TRIP11: variants seen among roughly 807,000 people sequenced by gnomAD.
The protein encoded by TRIP11 is thyroid receptor-interacting protein 11.
A neutral mutation model predicts 223.1 loss-of-function variants in TRIP11; 148 were observed. The observed-to-expected ratio is 0.66, with a 90% CI of 0.58 to 0.76. TRIP11 has a LOEUF of 0.76. TRIP11 is among the 30% of genes least tolerant of loss of function. The pLI is 0.00. For missense variants in TRIP11, 2,043 were observed against 2,222.0 expected (o/e 0.92, Z 1.62); for synonymous variants, 762 against 772.6 (o/e 0.99, Z 0.23).
intron 16 of TRIP11, among the ~76,000 whole-genome samples, chr14:91,983,439 G>A (rs899962293): frequency 2.0e-4 from 30 of 152,158 alleles, no homozygotes; most frequent in African/African-American, 7.2e-4. Context: ...CATACATAAA[G>A]AAATAAGGGC....
In TRIP11 at chr14:92,040,049, G is replaced by A; in HGVS notation, c.-364C>T. On this transcript the variant is annotated 5_prime_UTR_variant, in exon 1 of 21. Coordinates refer to ENST00000267622, the MANE Select transcript of TRIP11 (RefSeq NM_004239.4). ...CCGCCATGACACTCGCTCGGAAAGC[G>A]GCAGCGGATCATAGAAAAGCGCCGC... 1 of 420,096 alleles carries A rather than the reference G, an allele frequency of 2.4e-6. No individual in the cohort carries two copies. The highest frequency in any genetic ancestry group is 4.2e-5 in the East Asian group (1 of 23,818). 26.0% of individuals were successfully genotyped at this position (420,096 alleles called of 1,614,324 possible).
intron 20 of TRIP11, among the ~76,000 whole-genome samples, chr14:91,971,634 G>A (rs1179519523): frequency 6.6e-6 from 1 of 151,970 alleles, no homozygotes; most frequent in African/African-American, 2.4e-5. Context: ...AGGGAAGAGA[G>A]GAAGGGAAAG....
At position 92,015,829 on chromosome 14, in the gene TRIP11, A is replaced by G; in HGVS notation, c.690T>C (p.Asp230=). 6.2e-7 allele frequency: 1 copy of G among 1,612,722 alleles called. No individual in the cohort carries two copies. ...GTACTGACATTTCATGTTGATGGTCATCAATTTCCTGACTTCGGTTCTGTT... is the reference window on the plus strand; with the variant it reads ...GTACTGACATTTCATGTTGATGGTCGTCAATTTCCTGACTTCGGTTCTGTT... The part of the protein sequence containing the change: ...ELKQNRSQEI[D]DHQHEMSVLQ... Residue 230 remains aspartate, a synonymous_variant, in exon 6 of 21, where the codon GAT becomes GAC. Coordinates refer to ENST00000267622, the MANE Select transcript of TRIP11 (RefSeq NM_004239.4).
At chr14:92,033,696 G>A (rs1333218409) in intron 1 of TRIP11, among the ~76,000 whole-genome samples, 1 of 152,146 alleles carries the variant, frequency 6.6e-6, no homozygotes, top group Non-Finnish European at 1.5e-5. Flanking sequence ...TTATTTTAGA[G>A]AAAACAAACC....
intron 15 of TRIP11, among the ~76,000 whole-genome samples, chr14:91,988,845 T>C (rs2056638382): frequency 6.6e-6 from 1 of 152,192 alleles, no homozygotes; most frequent in Admixed American, 6.5e-5. Flanking sequence ...AAGCTGGATC[T>C]GTCCTTCTGT....
chr14:91,994,063 C>T, intron 14 of TRIP11, 151 bp from the exon 15 acceptor site: 1 of 650,642 alleles, frequency 1.5e-6, no homozygotes, highest in Non-Finnish European at 2.7e-6. Flanking sequence ...TTAAGCGGTA[C>T]TAAACTAATG....
chr14:91,977,978 A>G (rs886598538), intron 16 of TRIP11, among the ~76,000 whole-genome samples: 7 of 152,190 alleles, frequency 4.6e-5, no homozygotes, highest in African/African-American at 1.4e-4. Flanking sequence ...TGGAAAATCT[A>G]CTACGAACTT....
chr14:92,021,029 C>T (rs1156274852), intron 4 of TRIP11, among the ~76,000 whole-genome samples: 1 of 142,620 alleles, frequency 7.0e-6, no homozygotes, highest in African/African-American at 2.7e-5. Flanking sequence ...AATACTGTGC[C>T]ACTGCATTCC....
chr14:92,006,443 CAT>C lies in TRIP11; in HGVS notation c.1531_1532del (p.Met511AspfsTer13). The C allele has an allele frequency of 6.2e-7, 1 of 1,612,138 alleles. No homozygotes were observed. Among genetic ancestry groups the C allele is most frequent in the Non-Finnish European group, 8.5e-7 (1 of 1,179,672 alleles). On this transcript the variant is annotated frameshift_variant, in exon 11 of 21. Transcript: ENST00000267622. LOFTEE classifies it high-confidence loss of function. ...TTGATAGCTGATCTTTTATCAAAAT[CAT>C]GTGCTGAAAGAAAAATTTGCATGGT... is the stretch of plus-strand genomic sequence containing the variant. ...DRQNQEATKH[M>X]ILIKDQLSKQ...
intron 18 of TRIP11, 42 bp from the exon 19 acceptor site, chr14:91,974,785 G>GAAAAA: frequency 1.9e-6 from 2 of 1,061,636 alleles, no homozygotes; most frequent in Non-Finnish European, 2.6e-6. Context: ...ATCAGTACAA[G>GAAAAA]AAAAAAAAAA....
intron 4 of TRIP11, among the ~76,000 whole-genome samples, chr14:92,019,596 T>C (rs989021416): frequency 6.6e-6 from 1 of 152,228 alleles, no homozygotes; most frequent in Non-Finnish European, 1.5e-5. Context: ...AAAAATAATC[T>C]CTTTACTCAT....
In TRIP11 at chr14:91,975,248, G is replaced by A. The variant is rs1432684097; in HGVS notation, c.5381C>T (p.Thr1794Ile). Residue 1794 changes from threonine (T) to isoleucine (I), a missense_variant, in exon 18 of 21, where the codon ACA (threonine) becomes ATA (isoleucine). Coordinates refer to ENST00000267622, the MANE Select transcript of TRIP11 (RefSeq NM_004239.4). ...MRNLFIGHFHTPKNQRHEVLR... is the reference protein window; with the variant it reads ...MRNLFIGHFHIPKNQRHEVLR... ...CACTTCATGACGCTGATTTTTCGGTGTGTGGAAATGACCAATGAAGAGGTT... is the reference window on the plus strand; with the variant it reads ...CACTTCATGACGCTGATTTTTCGGTATGTGGAAATGACCAATGAAGAGGTT... The A allele has an allele frequency of 1.2e-6, 2 of 1,613,558 alleles. No homozygotes were observed. Among genetic ancestry groups the A allele is most frequent in the Admixed American group, 1.7e-5 (1 of 59,978 alleles).
intron 11 of TRIP11, among the ~76,000 whole-genome samples, chr14:92,000,923 C>G (rs949302056): frequency 6.6e-6 from 1 of 150,428 alleles, no homozygotes; most frequent in African/African-American, 2.4e-5. Context: ...TGCAGTGGCG[C>G]GATCTCGGTT....
intron 8 of TRIP11, 52 bp from the exon 9 acceptor site, chr14:92,011,124 T>C: frequency 2.0e-6 from 3 of 1,537,130 alleles, no homozygotes; most frequent in South Asian, 2.2e-5. Flanking sequence ...TTCCAGTTTA[T>C]AAAAAAGCTG....
chr14:92,036,693 A>C (rs1192309739), intron 1 of TRIP11, among the ~76,000 whole-genome samples: 1 of 152,224 alleles, frequency 6.6e-6, no homozygotes, highest in Non-Finnish European at 1.5e-5. Flanking sequence ...GTAAACACTA[A>C]TAAATACTTG....
intron 11 of TRIP11, among the ~76,000 whole-genome samples, 193 bp downstream of exon 11, chr14:92,003,226 A>T (rs2056850546): frequency 6.6e-6 from 1 of 152,222 alleles, no homozygotes; most frequent in African/African-American, 2.4e-5. Flanking sequence ...GCATTTGGAA[A>T]TATCTAACAA....
At chr14:92,026,951 C>A in intron 2 of TRIP11, 1 of 1,100,928 alleles carries the variant, frequency 9.1e-7, no homozygotes, top group Admixed American at 2.0e-5. Context: ...CCTCCACTTC[C>A]CCTCTCAGAA....
rs761670358 is a variant in TRIP11, at chr14:92,011,060, C to A, written c.1240G>T (p.Ala414Ser). The A allele has an allele frequency of 2.2e-5, 35 of 1,613,916 alleles. No individual in the cohort carries two copies. The highest frequency in any genetic ancestry group is 3.0e-5 in the Non-Finnish European group (35 of 1,179,946). ...LSSLNQDNSL[A>S]EDNLKLKMRI... ...ATTTTAAGTTTCAGATTGTCTTCAG[C>A]AAGACTGTTATCCTACAAAAATGTT... The change falls in exon 9 of 21, where the codon GCT becomes TCT. Residue 414 changes from alanine to serine, a missense_variant. By Grantham distance (99) the Ala-to-Ser change is moderately conservative (BLOSUM62 1). Coordinates refer to ENST00000267622, the MANE Select transcript of TRIP11 (RefSeq NM_004239.4).
At position 91,978,931 on chromosome 14, in the gene TRIP11, A is replaced by G. The variant is rs1234287824; in HGVS notation, c.5261-2742T>C. On this transcript the variant is annotated intron_variant, in intron 16 of 20. Transcript: ENST00000267622. This position sits in a 1 kb window ranked among gnomAD's most constrained non-coding sequence, Gnocchi z 4.4. ...ACAGTACTGCTTTTAGAACATAACC[A>G]GGATATAACACTACTCTATACTATC... Among the ~76,000 whole-genome samples, 1 of 152,158 alleles carries G rather than the reference A, an allele frequency of 6.6e-6. No individual in the cohort carries two copies. Among genetic ancestry groups the G allele is most frequent in the African/African-American group, 2.4e-5 (1 of 41,442 alleles).
Sources: gnomAD v4.1 joint callset for allele counts (sites outside exome capture counted in the v4.1 genomes callset) on GRCh38, gnomAD v4.1.1 for gene constraint, Gnocchi (gnomAD v3.1) non-coding constraint, MANE v1.5 for transcripts, NCBI Gene and HGNC (gene_info 2026-07-23, HGNC 2026-07-21) for gene names.